The following ACTN1 variants were observed in gnomAD, a reference collection of about 807,000 sequenced individuals.
ACTN1 encodes alpha-actinin-1.
Under a neutral mutation model 119.6 loss-of-function variants are expected in ACTN1, and 30 were observed. The observed-to-expected ratio is 0.25, with a 90% CI of 0.19 to 0.34. ACTN1 has a LOEUF of 0.34. Among genes scored for constraint, ACTN1 ranks in the 10% least tolerant of loss-of-function variants. The pLI, the probability that ACTN1 is intolerant of heterozygous loss-of-function variation, is 1.00. For missense variants in ACTN1, 764 were observed against 1,223.4 expected, an observed-to-expected ratio of 0.62 and a Z score of 5.60; for synonymous variants, 429 against 472.6, an observed-to-expected ratio of 0.91 and a Z score of 1.20.
chr14:68,948,730 C>CT (rs1367946431), intron 1 of ACTN1, among the ~76,000 whole-genome samples: 2 of 147,524 alleles, frequency 1.4e-5, no homozygotes, highest in Non-Finnish European at 3.0e-5. Flanking sequence ...CATGGCCTCT[C>CT]TTTCTCTGTA....
chr14:68,910,616 G>A (rs1213687627), intron 4 of ACTN1, among the ~76,000 whole-genome samples: 4 of 152,144 alleles, frequency 2.6e-5, no homozygotes, highest in Admixed American at 6.5e-5. Context: ...GGGGGCTCAC[G>A]GAGCTCCCAG....
intron 1 of ACTN1, among the ~76,000 whole-genome samples, chr14:68,964,895 A>AT (rs993329600): frequency 1.1e-4 from 16 of 152,272 alleles, no homozygotes; most frequent in Admixed American, 8.5e-4. Flanking sequence ...TCCCAGGAAC[A>AT]TCAGAGTGTA....
At position 68,877,066 on chromosome 14, in the gene ACTN1, C is replaced by A. The variant is rs1041029000; in HGVS notation, c.2586+16G>T. On this transcript the variant is annotated intron_variant, in intron 21 of 21. Coordinates refer to ENST00000394419, the MANE Select transcript of ACTN1 (RefSeq NM_001130004.2). Reference sequence around the variant, plus strand: ...GCCTGCCACCCCAGCACAGTGCCCACCCATAGGACACCCACCTTGTCCCCA... The same window carrying A: ...GCCTGCCACCCCAGCACAGTGCCCAACCATAGGACACCCACCTTGTCCCCA... 2.5e-6 allele frequency: 4 copies of A among 1,613,570 alleles called. No homozygotes were observed. Among genetic ancestry groups the A allele is most frequent in the Non-Finnish European group, 3.4e-6 (4 of 1,179,792 alleles).
intron 1 of ACTN1, among the ~76,000 whole-genome samples, chr14:68,946,607 T>G (rs534611339): frequency 6.6e-6 from 1 of 152,256 alleles, no homozygotes; most frequent in Admixed American, 6.5e-5. Context: ...AGACCGCGCC[T>G]ACGCTCTGAC....
rs1162272958 is a variant in ACTN1 at position 68,925,318 on chromosome 14, C to T, written c.220+240G>A. Among the ~76,000 whole-genome samples the T allele has an allele frequency of 8.2e-6, 1 of 121,260 alleles. No individual in the cohort carries two copies. The allele number at this position is 121,260 out of a possible 152,430, so 79.6% of individuals were successfully genotyped here. On this transcript the variant is annotated intron_variant, in intron 2 of 21. Transcript: ENST00000394419. The surrounding 1 kb of genome is among the most constrained non-coding windows in gnomAD (Gnocchi z 4.3). ...GAAGGAACCTCAGTTCCTTCAAACC[C>T]TTTTTTTTTTTTTTTTTTTTTTTAA... is the stretch of plus-strand genomic sequence containing the variant.
At chr14:68,934,275 G>C (rs1365934419) in intron 1 of ACTN1, among the ~76,000 whole-genome samples, 1 of 152,258 alleles carries the variant, frequency 6.6e-6, no homozygotes, top group Admixed American at 6.5e-5. Flanking sequence ...CCATCTGGGA[G>C]TCGGCAAAAG....
intron 8 of ACTN1, among the ~76,000 whole-genome samples, chr14:68,894,177 G>A (rs999142139): frequency 6.6e-6 from 1 of 152,184 alleles, no homozygotes; most frequent in African/African-American, 2.4e-5. Context: ...TGGAGATGTG[G>A]GAATTCAAAT....
At chr14:68,915,067 C>T (rs1319614341) in intron 3 of ACTN1, among the ~76,000 whole-genome samples, 1 of 152,168 alleles carries the variant, frequency 6.6e-6, no homozygotes, top group Non-Finnish European at 1.5e-5. Context: ...CTATTTATCA[C>T]ACCCCGTACT....
chr14:68,918,731 TA>T (rs35150226), intron 3 of ACTN1, among the ~76,000 whole-genome samples: 181 of 144,442 alleles, frequency 1.3e-3, no homozygotes, highest in Non-Finnish European at 1.2e-3. Flanking sequence ...CCATCTCTAC[TA>T]AAAAAAAAAA....
At chr14:68,972,105 G>C (rs2036908908) in intron 1 of ACTN1, among the ~76,000 whole-genome samples, 2 of 152,202 alleles carry the variant, frequency 1.3e-5, no homozygotes, top group Admixed American at 1.3e-4. Flanking sequence ...TTTATAGACA[G>C]AGGTTAGGGA....
chr14:68,897,127 T>G (rs955344502), intron 8 of ACTN1, among the ~76,000 whole-genome samples: 1 of 152,014 alleles, frequency 6.6e-6, no homozygotes, highest in Non-Finnish European at 1.5e-5. Flanking sequence ...GGATTACAGG[T>G]GCATGCGCCA....
Position 68,893,452 on chromosome 14 carries a change from T to C in ACTN1, c.855+203A>G, listed in dbSNP as rs111616689. 6.6e-5 allele frequency among the ~76,000 whole-genome samples: 10 copies of C among 152,320 alleles called. 2 individuals carry two copies. Among genetic ancestry groups the C allele is most frequent in the African/African-American group, 2.2e-4 (9 of 41,586 alleles). On this transcript the variant is annotated intron_variant, in intron 9 of 21. Transcript: ENST00000394419. ...GAGGCAAAGGGATATCCTAGGCTCA[T>C]GATAACTCAGGGACTGGCCTCTGCC...
At chr14:68,896,004 C>T (rs2032849795) in intron 8 of ACTN1, among the ~76,000 whole-genome samples, 1 of 152,178 alleles carries the variant, frequency 6.6e-6, no homozygotes, top group Non-Finnish European at 1.5e-5. Flanking sequence ...GATGGCCTCT[C>T]CAGAAGGAGA....
chr14:68,961,810 G>A (rs1445600978), intron 1 of ACTN1, among the ~76,000 whole-genome samples: 5 of 152,140 alleles, frequency 3.3e-5, no homozygotes. Context: ...GACTTGGTGG[G>A]CAAACTAGTT....
chr14:68,880,711 C>A lies in ACTN1; in HGVS notation c.2133+99G>T. On this transcript the variant is annotated intron_variant, in intron 17 of 21. Coordinates refer to ENST00000394419, the MANE Select transcript of ACTN1 (RefSeq NM_001130004.2). The surrounding 1 kb of genome is among the most constrained non-coding windows in gnomAD (Gnocchi z 4.6). ...GCTTCAGGGGTGAAGTTAATTTATC[C>A]TCCAACTATGACCTGTTCCCTTGGA... 7.8e-7 allele frequency: 1 copy of A among 1,282,338 alleles called. No individual in the cohort carries two copies. Among genetic ancestry groups the A allele is most frequent in the Non-Finnish European group, 1.1e-6 (1 of 919,380 alleles). The allele number at this position is 1,282,338 out of a possible 1,614,324, so 79.4% of individuals were successfully genotyped here.
intron 1 of ACTN1, chr14:68,978,277 A>C (rs1337826015): frequency 2.2e-6 from 1 of 454,162 alleles, no homozygotes; most frequent in Non-Finnish European, 4.4e-6. Context: ...TACAGCTTCC[A>C]ACCCACTGAG....
chr14:68,969,056 G>A (rs1303490029), intron 1 of ACTN1, among the ~76,000 whole-genome samples: 1 of 152,232 alleles, frequency 6.6e-6, no homozygotes, highest in Non-Finnish European at 1.5e-5. Context: ...CCCATGCCAA[G>A]CAGACTCAGT....
chr14:68,947,019 G>T (rs1162912433), intron 1 of ACTN1, among the ~76,000 whole-genome samples: 1 of 152,156 alleles, frequency 6.6e-6, no homozygotes, highest in Admixed American at 6.5e-5. Context: ...ATTCCAATGG[G>T]CCCCCGTGAA....
intron 1 of ACTN1, among the ~76,000 whole-genome samples, chr14:68,938,363 C>T (rs1293581773): frequency 6.6e-6 from 1 of 152,034 alleles, no homozygotes; most frequent in Admixed American, 6.6e-5. Context: ...TGGGGGTGCA[C>T]CTTGGACTTT....
Sources: gnomAD v4.1 joint callset for allele counts (sites outside exome capture counted in the v4.1 genomes callset) on GRCh38, gnomAD v4.1.1 for gene constraint, Gnocchi (gnomAD v3.1) non-coding constraint, MANE v1.5 for transcripts, NCBI Gene and HGNC (gene_info 2026-07-23, HGNC 2026-07-21) for gene names.